ESR2: variants seen among roughly 807,000 people sequenced by gnomAD.
ESR2 encodes the protein estrogen receptor beta.
ESR2 carries 36 observed loss-of-function variants against 49.6 expected under a neutral mutation model. The ratio of observed to expected loss-of-function variants is 0.73; its 90% CI spans 0.56 to 0.96. The LOEUF (loss-of-function observed/expected upper bound fraction) is 0.96. Among genes scored for constraint, ESR2 ranks in the 40% least tolerant of loss-of-function variants. ESR2 has a pLI of 0.00. For synonymous variants in ESR2, 320 were observed against 266.1 expected (o/e 1.20, Z -1.97); for missense variants, 714 against 693.0 (o/e 1.03, Z -0.34).
intron 1 of ESR2, among the ~76,000 whole-genome samples, chr14:64,321,069 A>G (rs1176402509): frequency 1.3e-5 from 2 of 152,152 alleles, no homozygotes; most frequent in African/African-American, 2.4e-5. Flanking sequence ...TTATTTTTTA[A>G]TGTGGCATAT....
intron 1 of ESR2, chr14:64,337,318 T>C (rs1314370901): frequency 6.6e-6 from 1 of 152,256 alleles, no homozygotes; most frequent in Non-Finnish European, 1.5e-5. Flanking sequence ...GGTTTATGCA[T>C]TTCCTCAGCA....
chr14:64,306,323 A>T (rs2077098311), intron 1 of ESR2, among the ~76,000 whole-genome samples: 1 of 152,182 alleles, frequency 6.6e-6, no homozygotes, highest in Non-Finnish European at 1.5e-5. Flanking sequence ...TTCTCATCTA[A>T]ATGCTTCTGC....
intron 4 of ESR2, among the ~76,000 whole-genome samples, chr14:64,263,258 T>C (rs2076256525): frequency 6.6e-6 from 1 of 152,204 alleles, no homozygotes. Flanking sequence ...CATTACTCTA[T>C]TGATACCAGA....
At chr14:64,314,980 C>T (rs1456660522) in intron 1 of ESR2, among the ~76,000 whole-genome samples, 1 of 151,272 alleles carries the variant, frequency 6.6e-6, no homozygotes, top group Non-Finnish European at 1.5e-5. Flanking sequence ...GACGCGGTGG[C>T]TCATGCCTGT....
chr14:64,305,213 C>A (rs2077075046), intron 1 of ESR2, among the ~76,000 whole-genome samples: 1 of 150,406 alleles, frequency 6.6e-6, no homozygotes, highest in Non-Finnish European at 1.5e-5. Flanking sequence ...ATGGCGTGAA[C>A]CCAGGAGGCA....
chr14:64,313,878 CA>C (rs58601573), intron 1 of ESR2, among the ~76,000 whole-genome samples: 20,016 of 95,676 alleles, frequency 0.21, 1,594 homozygotes, highest in African/African-American at 0.33. Flanking sequence ...GACTCTGTCT[CA>C]AAAAAAAAAA....
intron 2 of ESR2, among the ~76,000 whole-genome samples, chr14:64,281,011 AAAAAT>A (rs1217664765): frequency 1.3e-5 from 2 of 152,236 alleles, no homozygotes; most frequent in East Asian, 1.9e-4. Flanking sequence ...TCCATCTCAA[AAAAAT>A]AAAATAAAAA....
chr14:64,249,748 G>A, intron 6 of ESR2, 69 bp from the exon 7 acceptor site: 1 of 1,481,594 alleles, frequency 6.7e-7, no homozygotes, highest in Non-Finnish European at 9.2e-7. Context: ...AATAAGGAAT[G>A]TTTTATTTTT....
intron 6 of ESR2, 117 bp downstream of exon 6, chr14:64,257,109 A>G: frequency 1.1e-6 from 1 of 934,290 alleles, no homozygotes; most frequent in Non-Finnish European, 1.7e-6. Context: ...TGATGATGCT[A>G]TCATCCTCTG....
chr14:64,311,220 T>C (rs1363606988), intron 1 of ESR2, among the ~76,000 whole-genome samples: 2 of 152,218 alleles, frequency 1.3e-5, no homozygotes. Flanking sequence ...TATTTTAAAA[T>C]GCATTTAAAG....
At chr14:64,306,566 T>C (rs1268901355) in intron 1 of ESR2, among the ~76,000 whole-genome samples, 2 of 152,242 alleles carry the variant, frequency 1.3e-5, no homozygotes, top group Non-Finnish European at 2.9e-5. Flanking sequence ...TTTAATTTTA[T>C]GTTAATGTAG....
chr14:64,328,113 T>G (rs1233616616), intron 1 of ESR2, among the ~76,000 whole-genome samples: 1 of 149,672 alleles, frequency 6.7e-6, no homozygotes, highest in Non-Finnish European at 1.5e-5. Flanking sequence ...TCCCAGTTAC[T>G]CAGGAGGCTG....
At position 64,229,003 on chromosome 14, in the gene ESR2, G is replaced by C. The variant is rs893992799; in HGVS notation, c.*4134C>G. Among the ~76,000 whole-genome samples the C allele has an allele frequency of 1.3e-5, 2 of 152,174 alleles. No individual in the cohort carries two copies. Among genetic ancestry groups the C allele is most frequent in the Non-Finnish European group, 2.9e-5 (2 of 68,030 alleles). On this transcript the variant is annotated 3_prime_UTR_variant, in exon 9 of 9. Coordinates refer to ENST00000341099, the MANE Select transcript of ESR2 (RefSeq NM_001437.3). ...GGAAGCAGCAGTGCCTAAAAGATGT[G>C]AATTTTACATGAGTACACTTCCAAG...
chr14:64,245,052 T>A (rs192770535), intron 7 of ESR2, among the ~76,000 whole-genome samples: 71 of 152,196 alleles, frequency 4.7e-4, no homozygotes, highest in East Asian at 7.7e-4. Context: ...TATTTTTTTT[T>A]AAATTTAAAT....
intron 7 of ESR2, among the ~76,000 whole-genome samples, chr14:64,247,550 A>C (rs2075889166): frequency 1.3e-5 from 2 of 152,190 alleles, no homozygotes; most frequent in African/African-American, 4.8e-5. Flanking sequence ...CAAGTATCGA[A>C]CTCTAAGATT....
intron 6 of ESR2, among the ~76,000 whole-genome samples, chr14:64,253,229 C>CG: frequency 6.6e-6 from 1 of 151,668 alleles, no homozygotes; most frequent in South Asian, 2.1e-4. Context: ...CTTGCTCTGT[C>CG]GCCCCAGCTG....
chr14:64,235,178 A>G, intron 7 of ESR2, 28 bp from the exon 8 acceptor site: 1 of 1,600,838 alleles, frequency 6.2e-7, no homozygotes, highest in Non-Finnish European at 8.5e-7. Context: ...GCCAGAAGTC[A>G]TTGCTCTGAG....
intron 1 of ESR2, among the ~76,000 whole-genome samples, chr14:64,290,219 G>T (rs1038398880): frequency 6.6e-6 from 1 of 152,032 alleles, no homozygotes; most frequent in South Asian, 2.1e-4. Context: ...CTAAAGGCAT[G>T]CACCATCATG....
chr14:64,280,189 T>C (rs368345249), intron 2 of ESR2, 36 bp from the exon 3 acceptor site: 22 of 1,531,668 alleles, frequency 1.4e-5, no homozygotes, highest in Non-Finnish European at 1.9e-5. Context: ...GAACAGAGCA[T>C]AAAAGGGAAA....
Sources: allele counts gnomAD v4.1 joint callset (sites outside exome capture counted in the v4.1 genomes callset), GRCh38; gene constraint gnomAD v4.1.1; transcripts MANE v1.5; gene names NCBI Gene and HGNC (gene_info 2026-07-23, HGNC 2026-07-21).